The following STK39 variants were observed in gnomAD, a reference collection of about 807,000 sequenced individuals.
STK39 encodes the protein serine/threonine kinase 39, also known as STE20/SPS1-related proline-alanine-rich protein kinase.
A neutral mutation model predicts 77.8 loss-of-function variants in STK39; 20 were observed. The observed-to-expected ratio is 0.26, with a 90% CI of 0.18 to 0.37. STK39 has a LOEUF of 0.37. Among genes scored for constraint, STK39 ranks in the 10% least tolerant of loss-of-function variants. STK39 has a pLI of 1.00. For synonymous variants in STK39, 246 were observed against 234.1 expected (o/e 1.05, Z -0.47); for missense variants, 479 against 656.5 (o/e 0.73, Z 2.95).
intron 10 of STK39, among the ~76,000 whole-genome samples, chr2:168,086,077 G>C (rs1686359371): frequency 6.6e-6 from 1 of 152,202 alleles, no homozygotes; most frequent in Non-Finnish European, 1.5e-5. Flanking sequence ...CTAAAGGACT[G>C]CTGCTGTCTT....
At chr2:168,187,350 C>CA (rs5836176) in intron 1 of STK39, among the ~76,000 whole-genome samples, 13 of 145,210 alleles carry the variant, frequency 9.0e-5, no homozygotes, top group African/African-American at 2.8e-4. Flanking sequence ...GACTCCATCT[C>CA]AAAAAAAAAA....
chr2:168,015,342 G>A (rs2105317267), intron 15 of STK39, among the ~76,000 whole-genome samples: 1 of 152,342 alleles, frequency 6.6e-6, no homozygotes, highest in South Asian at 2.1e-4. Context: ...CATGTGAACT[G>A]CACACAGATT....
At chr2:168,233,198 G>A (rs1331842510) in intron 1 of STK39, among the ~76,000 whole-genome samples, 14 of 152,068 alleles carry the variant, frequency 9.2e-5, no homozygotes, top group South Asian at 4.2e-4. Flanking sequence ...TCAGCCACCC[G>A]ACTCCTCAGG....
rs114999816 is a variant in STK39 at position 168,239,988 on chromosome 2, A to T, written c.208+7240T>A. Among the ~76,000 whole-genome samples the T allele has an allele frequency of 7.8e-3, 1,195 of 152,342 alleles. 13 individuals carry two copies. Among genetic ancestry groups the T allele is most frequent in the African/African-American group, 0.023 (942 of 41,568 alleles). On this transcript the variant is annotated intron_variant, in intron 1 of 17. Transcript: ENST00000355999. ...GTTCAATTCATGAACATGCACCAAG[A>T]TATACATTTTTTATATGTACACTTT...
rs1180586984 is a variant in STK39 at position 168,162,557 on chromosome 2, CTTAA to C, written c.573-719_573-716del. 2.6e-5 allele frequency among the ~76,000 whole-genome samples: 4 copies of C among 152,080 alleles called. No individual in the cohort carries two copies. The South Asian group carries it at 8.3e-4, about 32-fold the overall frequency. On this transcript the variant is annotated intron_variant, in intron 4 of 17. Coordinates refer to ENST00000355999, the MANE Select transcript of STK39 (RefSeq NM_013233.3). ...ACTTAAATTTGGGATGCAATTCCAACTTAATTATCTTTCTGAAAAATGAACTTCT... is the reference window on the plus strand; with the variant it reads ...ACTTAAATTTGGGATGCAATTCCAACTTATCTTTCTGAAAAATGAACTTCT...
In STK39 at chr2:168,187,324, C is replaced by A. The variant is rs550860818; in HGVS notation, c.209-5234G>T. Among the ~76,000 whole-genome samples, 8 of 151,022 alleles carry A rather than the reference C, an allele frequency of 5.3e-5. No individual in the cohort carries two copies. In the South Asian group the frequency reaches 8.5e-4, roughly 16 times the overall value. ...TGAGATCATGCCACTGCACTCCAGCCTGGGTGACAGAGTGAGACTCCATCT... is the reference window on the plus strand; with the variant it reads ...TGAGATCATGCCACTGCACTCCAGCATGGGTGACAGAGTGAGACTCCATCT... On this transcript the variant is annotated intron_variant, in intron 1 of 17. Coordinates refer to ENST00000355999, the MANE Select transcript of STK39 (RefSeq NM_013233.3).
intron 1 of STK39, among the ~76,000 whole-genome samples, chr2:168,218,764 A>T (rs1269994185): frequency 6.6e-6 from 1 of 152,240 alleles, no homozygotes; most frequent in East Asian, 1.9e-4. Flanking sequence ...CTAGACTCTG[A>T]AAAAGACGTG....
intron 14 of STK39, among the ~76,000 whole-genome samples, chr2:168,061,874 T>A (rs1685673818): frequency 1.3e-5 from 2 of 152,182 alleles, no homozygotes; most frequent in African/African-American, 2.4e-5. Context: ...TAGTACGTGT[T>A]TTGACACATT....
chr2:167,984,271 A>G (rs1214535710), intron 16 of STK39, among the ~76,000 whole-genome samples: 1 of 152,196 alleles, frequency 6.6e-6, no homozygotes, highest in Non-Finnish European at 1.5e-5. Flanking sequence ...ACATATTCTC[A>G]TGAGTGCTGT....
At chr2:168,101,644 A>G (rs902690721) in intron 10 of STK39, among the ~76,000 whole-genome samples, 6 of 152,152 alleles carry the variant, frequency 3.9e-5, no homozygotes, top group African/African-American at 1.4e-4. Context: ...AGGCTGGGAC[A>G]CATTAATTGC....
chr2:168,042,697 A>C (rs565099684), intron 14 of STK39, among the ~76,000 whole-genome samples: 3 of 150,926 alleles, frequency 2.0e-5, no homozygotes, highest in South Asian at 2.1e-4. Flanking sequence ...TCTCTGCCTC[A>C]GCCTCCCGAG....
At chr2:168,166,471 G>A (rs1400645) in intron 3 of STK39, among the ~76,000 whole-genome samples, 42,613 of 152,044 alleles carry the variant, frequency 0.28, 6,905 homozygotes, top group East Asian at 0.56. Context: ...TGCAACAATA[G>A]GATGACAATA....
chr2:167,958,459 C>A (rs995899138), intron 17 of STK39, among the ~76,000 whole-genome samples: 22 of 152,064 alleles, frequency 1.4e-4, no homozygotes, highest in Non-Finnish European at 2.2e-4. Flanking sequence ...TAAATAAAAT[C>A]TTCATGGAAA....
chr2:168,063,480 T>C lies in STK39; in HGVS notation c.1376+20A>G, dbSNP rs1685714186. ...GTACTATAGGAAAAACAATGCAGAA[T>C]AAACAACAGTATTATTTACCTTAAT... On this transcript the variant is annotated intron_variant, in intron 14 of 17. Transcript: ENST00000355999. 1.2e-6 allele frequency: 2 copies of C among 1,600,670 alleles called. No homozygotes were observed. The highest frequency in any genetic ancestry group is 2.3e-5 in the South Asian group (2 of 88,378).
chr2:168,091,326 T>G (rs1357710591), intron 10 of STK39, among the ~76,000 whole-genome samples: 2 of 152,220 alleles, frequency 1.3e-5, no homozygotes, highest in Non-Finnish European at 2.9e-5. Context: ...AAACTTCTAC[T>G]CCATCTCCAC....
chr2:168,062,584 T>C (rs1279970854), intron 14 of STK39, among the ~76,000 whole-genome samples: 2 of 152,148 alleles, frequency 1.3e-5, no homozygotes, highest in African/African-American at 2.4e-5. Flanking sequence ...TCTACTTAGA[T>C]GGACTATGAT....
intron 2 of STK39, among the ~76,000 whole-genome samples, chr2:168,175,011 C>T (rs1344201292): frequency 6.6e-6 from 1 of 152,014 alleles, no homozygotes; most frequent in Non-Finnish European, 1.5e-5. Flanking sequence ...TTTGTGGTAT[C>T]GCCTGTGGCA....
rs149458215 is a variant in STK39, at chr2:168,240,349, T to G, written c.208+6879A>C. 3.9e-4 allele frequency among the ~76,000 whole-genome samples: 59 copies of G among 152,280 alleles called. 2 individuals are homozygous for G. In the East Asian group the frequency reaches 0.011, roughly 27 times the overall value. ...AGCAACGTGATCAAGAATTTTGGTA[T>G]AGCAGTATCTTTCTGGTAGCAATGC... is the stretch of plus-strand genomic sequence containing the variant. On this transcript the variant is annotated intron_variant, in intron 1 of 17. Transcript: ENST00000355999.
At chr2:168,036,796 A>C (rs1279635120) in intron 14 of STK39, among the ~76,000 whole-genome samples, 2 of 152,214 alleles carry the variant, frequency 1.3e-5, no homozygotes, top group African/African-American at 2.4e-5. Flanking sequence ...GCATGCTCCA[A>C]GTCTTTCCAG....
Sources: gnomAD v4.1 joint callset for allele counts (sites outside exome capture counted in the v4.1 genomes callset) on GRCh38, gnomAD v4.1.1 for gene constraint, MANE v1.5 for transcripts, NCBI Gene and HGNC (gene_info 2026-07-23, HGNC 2026-07-21) for gene names.